The following BCAR3 variants were observed in gnomAD, a reference collection of about 807,000 sequenced individuals.
The protein encoded by BCAR3 is breast cancer anti-estrogen resistance protein 3.
In BCAR3, 37 loss-of-function variants were observed where a neutral mutation model predicts 80.1. That is an observed-to-expected ratio of 0.46 (90% CI 0.36 to 0.61). The LOEUF (loss-of-function observed/expected upper bound fraction) is 0.61, where lower values mean the gene tolerates loss of function less well. Ranked by LOEUF, BCAR3 falls within the 20% of genes least tolerant of loss-of-function variation. The pLI is 0.00. For synonymous variants in BCAR3, 389 were observed against 418.9 expected (o/e 0.93, Z 0.87); for missense variants, 978 against 1,068.2 (o/e 0.92, Z 1.18).
intron 2 of BCAR3, among the ~76,000 whole-genome samples, chr1:93,666,902 C>G (rs12082128): frequency 0.013 from 1,991 of 152,242 alleles, 43 homozygotes; most frequent in African/African-American, 0.045. Context: ...CGTCATTGAA[C>G]GTGATCTCAG....
intron 2 of BCAR3, among the ~76,000 whole-genome samples, chr1:93,797,992 A>G (rs751835176): frequency 6.6e-6 from 1 of 152,206 alleles, no homozygotes; most frequent in Non-Finnish European, 1.5e-5. Context: ...AATGCCCTTG[A>G]GATCTAGAAG....
intron 2 of BCAR3, among the ~76,000 whole-genome samples, chr1:93,839,307 A>C (rs1654877144): frequency 6.6e-6 from 1 of 152,170 alleles, no homozygotes; most frequent in Admixed American, 6.5e-5. Context: ...AAAAAGAAAA[A>C]AACTAAACTA....
At chr1:93,716,998 T>C (rs1374695409) in intron 2 of BCAR3, among the ~76,000 whole-genome samples, 1 of 152,244 alleles carries the variant, frequency 6.6e-6, no homozygotes, top group Non-Finnish European at 1.5e-5. Context: ...TCAATTTCTC[T>C]ACTCCTTGAA....
chr1:93,768,174 C>G (rs547275181), intron 2 of BCAR3, among the ~76,000 whole-genome samples: 10 of 152,112 alleles, frequency 6.6e-5, no homozygotes, highest in Admixed American at 6.5e-4. Context: ...ACGAATGACC[C>G]CATTTGCAGA....
chr1:93,654,000 C>CTCTCTACCCA (rs1448925619), intron 2 of BCAR3, among the ~76,000 whole-genome samples: 3 of 152,122 alleles, frequency 2.0e-5, no homozygotes, highest in Non-Finnish European at 4.4e-5. Flanking sequence ...CCCAGAGCCA[C>CTCTCTACCCA]GATGGTCCTT....
chr1:93,653,106 G>T (rs921083907), intron 2 of BCAR3, among the ~76,000 whole-genome samples: 1 of 152,186 alleles, frequency 6.6e-6, no homozygotes, highest in African/African-American at 2.4e-5. Flanking sequence ...TTTCCAAGTA[G>T]TTGAAATACA....
At chr1:93,661,801 T>G (rs987724380) in intron 2 of BCAR3, among the ~76,000 whole-genome samples, 3 of 152,256 alleles carry the variant, frequency 2.0e-5, no homozygotes, top group Non-Finnish European at 4.4e-5. Context: ...AATGTAGCTT[T>G]AAACAGAGAA....
rs1174396490 is a variant in BCAR3 at position 93,826,033 on chromosome 1, A to G, written c.-63+19534T>C. On this transcript the variant is annotated intron_variant, in intron 2 of 13. Coordinates refer to the BCAR3 transcript ENST00000370244. The stretch of plus-strand genomic sequence containing the variant: ...GAAGGAGTTCAGTAAATGTGAGTTG[A>G]ATTTGATGAAGAATGAGAGAAGGGA... 2.0e-5 allele frequency among the ~76,000 whole-genome samples: 3 copies of G among 152,192 alleles called. No individual in the cohort carries two copies. In the East Asian group the frequency reaches 5.8e-4, roughly 29 times the overall value.
intron 2 of BCAR3, among the ~76,000 whole-genome samples, chr1:93,650,554 T>C (rs921114849): frequency 6.6e-6 from 1 of 152,176 alleles, no homozygotes; most frequent in Non-Finnish European, 1.5e-5. Context: ...TATGCCTCAG[T>C]TGTGTCATCT....
intron 2 of BCAR3, among the ~76,000 whole-genome samples, chr1:93,814,253 C>A (rs1401178224): frequency 6.6e-6 from 1 of 152,202 alleles, no homozygotes; most frequent in African/African-American, 2.4e-5. Flanking sequence ...CTCAACATTG[C>A]AGCTGCTATG....
At chr1:93,637,129 G>C (rs1675807571) in intron 3 of BCAR3, among the ~76,000 whole-genome samples, 1 of 151,868 alleles carries the variant, frequency 6.6e-6, no homozygotes. Context: ...CACTAGTCTT[G>C]AGGCTAAAAG....
rs1201602457 is a variant in BCAR3, at chr1:93,796,354, C to T, written c.-63+49213G>A. On this transcript the variant is annotated intron_variant, in intron 2 of 13. Coordinates refer to the BCAR3 transcript ENST00000370244. The stretch of plus-strand genomic sequence containing the variant: ...CTGAGCCAGGTGTGGGATATAGTCT[C>T]GTGGTGCGCCGTTTTTTAAGCCGGT... 7.7e-5 allele frequency among the ~76,000 whole-genome samples: 11 copies of T among 143,490 alleles called. 1 individual carries two copies. Among genetic ancestry groups the T allele is most frequent in the African/African-American group, 2.3e-4 (8 of 35,536 alleles). 94.1% of individuals were successfully genotyped at this position (143,490 alleles called of 152,430 possible). A position where few individuals can be genotyped will look rare whatever the true frequency, so the allele number is the denominator to read the frequency against.
At chr1:93,608,939 G>A (rs913512614) in intron 3 of BCAR3, among the ~76,000 whole-genome samples, 5 of 152,172 alleles carry the variant, frequency 3.3e-5, no homozygotes, top group African/African-American at 7.2e-5. Flanking sequence ...CTGCCCCACT[G>A]ACAAAGGCAA....
chr1:93,776,413 A>G (rs531518189), intron 2 of BCAR3, among the ~76,000 whole-genome samples: 9 of 152,286 alleles, frequency 5.9e-5, no homozygotes, highest in African/African-American at 2.2e-4. Context: ...ACTGTAAGTT[A>G]AAGACTCTCC....
At chr1:93,764,590 C>T (rs1273452033) in intron 2 of BCAR3, among the ~76,000 whole-genome samples, 1 of 152,094 alleles carries the variant, frequency 6.6e-6, no homozygotes, top group Non-Finnish European at 1.5e-5. Context: ...CCACAGTCTT[C>T]CACCTATGTG....
At chr1:93,805,527 T>C (rs1653627973) in intron 2 of BCAR3, among the ~76,000 whole-genome samples, 1 of 152,210 alleles carries the variant, frequency 6.6e-6, no homozygotes, top group Non-Finnish European at 1.5e-5. Context: ...TGTGGAGAAC[T>C]AGGGCAGCCA....
At chr1:93,687,615 AT>A (rs1409599759) in intron 3 of BCAR3, among the ~76,000 whole-genome samples, 1 of 152,178 alleles carries the variant, frequency 6.6e-6, no homozygotes, top group African/African-American at 2.4e-5. Flanking sequence ...CCACACTTAA[AT>A]TTTTAAATAT....
At chr1:93,809,910 G>A (rs920580560) in intron 2 of BCAR3, among the ~76,000 whole-genome samples, 12 of 151,702 alleles carry the variant, frequency 7.9e-5, no homozygotes, top group Non-Finnish European at 1.8e-4. Context: ...GGATATAAAT[G>A]GAACTGCTGG....
intron 3 of BCAR3, among the ~76,000 whole-genome samples, chr1:93,686,988 C>T (rs1016321106): frequency 6.6e-6 from 1 of 152,170 alleles, no homozygotes; most frequent in Non-Finnish European, 1.5e-5. Flanking sequence ...CCTTACAGCA[C>T]CCTCTCCTTC....
Sources: gnomAD v4.1 joint callset for allele counts (sites outside exome capture counted in the v4.1 genomes callset) on GRCh38, gnomAD v4.1.1 for gene constraint, MANE v1.5 for transcripts, NCBI Gene and HGNC (gene_info 2026-07-23, HGNC 2026-07-21) for gene names.